The following AMMECR1 variants were observed in gnomAD, a reference collection of about 807,000 sequenced individuals.
The protein encoded by AMMECR1 is AMMECR nuclear protein 1, also known as nuclear protein AMMECR1.
Under a neutral mutation model 22.5 loss-of-function variants are expected in AMMECR1, and 3 were observed. The observed-to-expected ratio is 0.13, with a 90% CI of 0.06 to 0.35. The LOEUF (loss-of-function observed/expected upper bound fraction) is 0.35. AMMECR1 is among the 10% of genes least tolerant of loss of function. AMMECR1 has a pLI of 1.00. For synonymous variants in AMMECR1, 130 were observed against 116.7 expected (o/e 1.11, Z -0.74); for missense variants, 235 against 278.7 (o/e 0.84, Z 1.12).
intron 2 of AMMECR1, among the ~76,000 whole-genome samples, chrX:110,356,738 G>A (rs2068232326): frequency 9.0e-6 from 1 of 110,691 alleles, no homozygotes; most frequent in Admixed American, 9.7e-5. Flanking sequence ...TATTTTGTAA[G>A]TATTATCATA....
upstream of AMMECR1, chrX:110,318,208 C>G (rs747434366): frequency 2.0e-5 from 8 of 407,388 alleles, no homozygotes; most frequent in Non-Finnish European, 2.2e-5. Flanking sequence ...CTCCCGGCCC[C>G]GTCTGCCTAG....
chrX:110,414,800 C>T (rs889568102), intron 2 of AMMECR1, among the ~76,000 whole-genome samples: 1 of 112,445 alleles, frequency 8.9e-6, no homozygotes, highest in African/African-American at 3.2e-5. Context: ...CCTTCCAGAG[C>T]TTCCCCTCAG....
intron 1 of AMMECR1, among the ~76,000 whole-genome samples, chrX:110,283,924 C>A (rs949173929): frequency 3.6e-5 from 4 of 111,147 alleles, no homozygotes; most frequent in African/African-American, 1.3e-4. Context: ...GAGTTTGAGA[C>A]CAGCCTGACC....
intron 1 of AMMECR1, among the ~76,000 whole-genome samples, chrX:110,298,387 T>C (rs2067948475): frequency 9.0e-6 from 1 of 111,615 alleles, no homozygotes. Context: ...AATAGTAGCA[T>C]TACCCTAATA....
chrX:110,223,602 GTTCTC>G (rs1281756478), intron 2 of AMMECR1, among the ~76,000 whole-genome samples: 1 of 111,617 alleles, frequency 9.0e-6, no homozygotes, highest in Non-Finnish European at 1.9e-5. Context: ...TCATCCGTGT[GTTCTC>G]TTAAGTTAGG....
At chrX:110,202,625 T>G (rs1039826793) in intron 3 of AMMECR1, 89 bp from the exon 4 acceptor site, 7 of 592,036 alleles carry the variant, frequency 1.2e-5, no homozygotes. Flanking sequence ...AGAATGCAGT[T>G]CTTCCTTTCC....
At chrX:110,321,823 G>A (rs1013320397), upstream of AMMECR1, among the ~76,000 whole-genome samples, 1 of 111,315 alleles carries the variant, frequency 9.0e-6, no homozygotes, top group Admixed American at 9.5e-5. Flanking sequence ...TGTCATCCTT[G>A]AACAACTGCA....
rs772385471 is a variant in AMMECR1, at chrX:110,202,376, T to G, written c.790+70A>C. ...TATTAGACATAACTGCAAGGTCAGA[T>G]AACGCATTTCAGTTTGTATATTTGT... On this transcript the variant is annotated intron_variant, in intron 4 of 5. Transcript: ENST00000262844. 2.0e-5 allele frequency: 17 copies of G among 845,045 alleles called. No individual in the cohort carries two copies. The East Asian group carries it at 5.5e-4, about 27-fold the overall frequency. The allele number at this position is 845,045 out of a possible 1,213,427, so 69.6% of individuals were successfully genotyped here.
intron 1 of AMMECR1, among the ~76,000 whole-genome samples, chrX:110,439,143 G>C (rs1041326842): frequency 1.8e-5 from 2 of 111,956 alleles, no homozygotes; most frequent in Admixed American, 9.5e-5. Context: ...CCCGACAGAA[G>C]GACAAGAGGG....
chrX:110,314,320 T>A (rs1329001307), intron 1 of AMMECR1, among the ~76,000 whole-genome samples: 1 of 111,622 alleles, frequency 9.0e-6, no homozygotes, highest in Non-Finnish European at 1.9e-5. Flanking sequence ...AAAATTCAGA[T>A]TCCAAGGCAC....
intron 1 of AMMECR1, among the ~76,000 whole-genome samples, chrX:110,429,118 A>C (rs1454097302): frequency 9.0e-6 from 1 of 111,633 alleles, no homozygotes; most frequent in East Asian, 2.8e-4. Flanking sequence ...CTCATCTCCT[A>C]CTGTTCCAGA....
intron 2 of AMMECR1, among the ~76,000 whole-genome samples, chrX:110,248,711 C>T (rs1234217195): frequency 8.9e-6 from 1 of 112,320 alleles, no homozygotes; most frequent in Non-Finnish European, 1.9e-5. Context: ...GGAACTGTCT[C>T]ACTTCTTAAC....
At chrX:110,265,787 GA>G (rs768661241) in intron 1 of AMMECR1, among the ~76,000 whole-genome samples, 1 of 111,832 alleles carries the variant, frequency 8.9e-6, no homozygotes, top group East Asian at 2.8e-4. Flanking sequence ...GTGAGTTGGA[GA>G]ACATCCTTTC....
At chrX:110,349,972 G>A (rs182794171) in intron 2 of AMMECR1, among the ~76,000 whole-genome samples, 49 of 111,898 alleles carry the variant, frequency 4.4e-4, no homozygotes, top group Non-Finnish European at 5.8e-4. Flanking sequence ...AAAAGATGAC[G>A]TATACCGGTA....
chrX:110,245,653 G>C (rs375274282), intron 2 of AMMECR1, among the ~76,000 whole-genome samples: 4 of 110,698 alleles, frequency 3.6e-5, no homozygotes, highest in African/African-American at 1.3e-4. Context: ...TTGTGAAAAA[G>C]AGGTGAGGTA....
At chrX:110,382,135 T>C (rs754842494) in intron 2 of AMMECR1, among the ~76,000 whole-genome samples, 1 of 112,315 alleles carries the variant, frequency 8.9e-6, no homozygotes, top group East Asian at 2.8e-4. Flanking sequence ...AGGCCTATGC[T>C]TTGGTCAGAA....
chrX:110,343,503 C>A (rs1213883019), intron 2 of AMMECR1, among the ~76,000 whole-genome samples: 1 of 110,877 alleles, frequency 9.0e-6, no homozygotes. Flanking sequence ...GGCAATCAGG[C>A]AGGAGAAAGA....
intron 2 of AMMECR1, among the ~76,000 whole-genome samples, chrX:110,384,366 C>T (rs1156309604): frequency 9.0e-6 from 1 of 110,892 alleles, no homozygotes; most frequent in Non-Finnish European, 1.9e-5. Context: ...TCTTCCTGAG[C>T]CTCAGTTTCC....
At position 110,426,801 on chromosome X, in the gene AMMECR1, G is replaced by A. The variant is rs772364548; in HGVS notation, c.-291C>T. 2.9e-4 allele frequency: 32 copies of A among 111,843 alleles called. 1 individual carries two copies. Among genetic ancestry groups the A allele is most frequent in the African/African-American group, 1.0e-3 (32 of 30,758 alleles). The allele number at this position is 111,843 out of a possible 1,213,427, so 9.2% of individuals were successfully genotyped here. On this transcript the variant is annotated splice_region_variant and 5_prime_UTR_variant, in exon 2 of 8. Coordinates refer to the AMMECR1 transcript ENST00000372057. ...ATTAGGGTCAAGGTGAGGACTCATG[G>A]TGCTGAAAATAGGGATTGAGTGGAC...
Sources: gnomAD v4.1 joint callset for allele counts (sites outside exome capture counted in the v4.1 genomes callset) on GRCh38, gnomAD v4.1.1 for gene constraint, MANE v1.5 for transcripts, NCBI Gene and HGNC (gene_info 2026-07-23, HGNC 2026-07-21) for gene names.